The following GFRA1 variants were observed in gnomAD, a reference collection of about 807,000 sequenced individuals.
The protein encoded by GFRA1 is GDNF family receptor alpha-1.
Under a neutral mutation model 51.6 loss-of-function variants are expected in GFRA1, and 16 were observed. That is an observed-to-expected ratio of 0.31 (90% confidence interval 0.21 to 0.47). GFRA1 has a LOEUF of 0.47. Among genes scored for constraint, GFRA1 ranks in the 20% least tolerant of loss-of-function variants. GFRA1 has a pLI of 1.00. For synonymous variants in GFRA1, 270 were observed against 241.3 expected (o/e 1.12, Z -1.10); for missense variants, 530 against 594.3 (o/e 0.89, Z 1.13).
In GFRA1 at chr10:116,068,552, G is replaced by A. The variant is rs565534087; in HGVS notation, c.1198-2926C>T. ...TGCTGCAGAGAGAGGGTCAGAGCCTGGGATGTAGACCTGTGAACTTCTGGC... is the reference window on the plus strand; with the variant it reads ...TGCTGCAGAGAGAGGGTCAGAGCCTAGGATGTAGACCTGTGAACTTCTGGC... On this transcript the variant is annotated intron_variant, in intron 9 of 10. Transcript: ENST00000355422. 2.0e-5 allele frequency among the ~76,000 whole-genome samples: 3 copies of A among 152,294 alleles called. No homozygotes were observed. In the South Asian group the frequency reaches 6.2e-4, roughly 32 times the overall value.
At chr10:116,202,708 C>CTCGTGAGAACTTACTCACTA (rs1964436355) in intron 5 of GFRA1, among the ~76,000 whole-genome samples, 1 of 152,204 alleles carries the variant, frequency 6.6e-6, no homozygotes, top group East Asian at 1.9e-4. Flanking sequence ...ACCATTAGAT[C>CTCGTGAGAACTTACTCACTA]TCGTGAGAAC....
rs1303024374 is a variant in GFRA1, at chr10:116,059,115, T to C, written c.*5283A>G. On this transcript the variant is annotated 3_prime_UTR_variant, in exon 11 of 11. Coordinates refer to ENST00000355422, the MANE Select transcript of GFRA1 (RefSeq NM_005264.8). ...CTCAGGAGGACACATTCAGGGTCAA[T>C]ACAGCTCAATGCCAGGAATACGATG... The C allele has an allele frequency of 6.6e-6, 1 of 152,222 alleles. No homozygotes were observed. The highest frequency in any genetic ancestry group is 6.5e-5 in the Admixed American group (1 of 15,290). The allele number at this position is 152,222 out of a possible 1,614,324, so 9.4% of individuals were successfully genotyped here.
intron 5 of GFRA1, among the ~76,000 whole-genome samples, chr10:116,159,565 T>C (rs781591105): frequency 2.0e-5 from 3 of 152,142 alleles, no homozygotes; most frequent in Non-Finnish European, 2.9e-5. Flanking sequence ...AAGGCCCTCA[T>C]TTCAAAGTGT....
chr10:116,224,211 T>C (rs1290308768), intron 4 of GFRA1, among the ~76,000 whole-genome samples: 1 of 152,210 alleles, frequency 6.6e-6, no homozygotes, highest in African/African-American at 2.4e-5. Flanking sequence ...GGTGATTATG[T>C]AGAGAAACTG....
In GFRA1 at chr10:116,272,173, G is replaced by A. The variant is rs527524675; in HGVS notation, c.-144C>T. ...AAGTTCAGCTCCATCCAGTGAAAGA[G>A]GAAACTCCGGGTCTGGCAGCAGCCA... is the stretch of plus-strand genomic sequence containing the variant. On this transcript the variant is annotated 5_prime_UTR_variant, in exon 2 of 11. Transcript: ENST00000355422. The surrounding 1 kb of genome is among the most constrained non-coding windows in gnomAD (Gnocchi z 4.4). 1 of 757,088 alleles carries A rather than the reference G, an allele frequency of 1.3e-6. No homozygotes were observed. The highest frequency in any genetic ancestry group is 2.3e-6 in the Non-Finnish European group (1 of 444,284). The allele number at this position is 757,088 out of a possible 1,614,324, so 46.9% of individuals were successfully genotyped here.
chr10:116,085,404 T>TTGAC (rs2133853294), intron 9 of GFRA1, among the ~76,000 whole-genome samples: 1 of 152,344 alleles, frequency 6.6e-6, no homozygotes, highest in East Asian at 1.9e-4. Flanking sequence ...CCAAAGATAG[T>TTGAC]TGACTTTCTC....
chr10:116,060,543 C>T lies in GFRA1; in HGVS notation c.*3855G>A, dbSNP rs1410865110. On this transcript the variant is annotated 3_prime_UTR_variant, in exon 11 of 11. Transcript: ENST00000355422. Reference sequence around the variant, plus strand: ...GATTTTGCCTTATCTCGCCAACTCTCCAAGCTCAGGTGGGCCTTCTGCTGT... The same window carrying T: ...GATTTTGCCTTATCTCGCCAACTCTTCAAGCTCAGGTGGGCCTTCTGCTGT... 1 of 152,204 alleles carries T rather than the reference C, an allele frequency of 6.6e-6. No homozygotes were observed. The highest frequency in any genetic ancestry group is 1.5e-5 in the Non-Finnish European group (1 of 68,058). 9.4% of individuals were successfully genotyped at this position (152,204 alleles called of 1,614,324 possible). A position where few individuals can be genotyped will look rare whatever the true frequency, so the allele number is the denominator to read the frequency against.
intron 4 of GFRA1, among the ~76,000 whole-genome samples, chr10:116,229,133 G>A (rs1187004036): frequency 6.6e-6 from 1 of 151,972 alleles, no homozygotes; most frequent in Non-Finnish European, 1.5e-5. Context: ...TTGGACCTCT[G>A]GCCTACAGAA....
chr10:116,094,384 A>G (rs1956487455), intron 7 of GFRA1, among the ~76,000 whole-genome samples: 1 of 152,176 alleles, frequency 6.6e-6, no homozygotes, highest in Non-Finnish European at 1.5e-5. Context: ...CACGTAGTGA[A>G]AGAACTGGAA....
At position 116,181,994 on chromosome 10, in the gene GFRA1, G is replaced by A. The variant is rs544325365; in HGVS notation, c.433+29637C>T. Among the ~76,000 whole-genome samples the A allele has an allele frequency of 1.0e-3, 154 of 152,122 alleles. 4 individuals carry two copies. In the South Asian group the frequency reaches 0.022, roughly 22 times the overall value. The stretch of plus-strand genomic sequence containing the variant: ...AATGGAAAGAAACTCAGCAAGCTCT[G>A]TAGTGAAATATCATTTGCATTTTTT... On this transcript the variant is annotated intron_variant, in intron 5 of 10. Transcript: ENST00000355422.
chr10:116,261,199 A>G (rs1198494183), intron 4 of GFRA1, among the ~76,000 whole-genome samples: 4 of 152,212 alleles, frequency 2.6e-5, no homozygotes, highest in Non-Finnish European at 5.9e-5. Flanking sequence ...GGGAAATGCC[A>G]AGATATGGAG....
intron 4 of GFRA1, among the ~76,000 whole-genome samples, chr10:116,233,408 G>T (rs1164613950): frequency 1.3e-5 from 2 of 152,048 alleles, no homozygotes; most frequent in Non-Finnish European, 2.9e-5. Flanking sequence ...AAAATATAAG[G>T]ATTCCCTGCC....
chr10:116,186,504 C>T (rs1358512042), intron 5 of GFRA1, among the ~76,000 whole-genome samples: 1 of 147,790 alleles, frequency 6.8e-6, no homozygotes, highest in Non-Finnish European at 1.5e-5. Context: ...CCACATATGT[C>T]TGGGACATTA....
intron 5 of GFRA1, among the ~76,000 whole-genome samples, chr10:116,127,258 A>C (rs1452506451): frequency 2.6e-5 from 4 of 152,224 alleles, no homozygotes; most frequent in Non-Finnish European, 5.9e-5. Context: ...ATTGCATGCA[A>C]AATGTTCTTG....
chr10:116,230,003 T>G (rs1966581357), intron 4 of GFRA1, among the ~76,000 whole-genome samples: 2 of 152,176 alleles, frequency 1.3e-5, no homozygotes, highest in Admixed American at 6.5e-5. Context: ...TGCTGTGTCT[T>G]TGATTCAAGC....
intron 5 of GFRA1, among the ~76,000 whole-genome samples, chr10:116,209,244 C>A (rs1468647572): frequency 6.6e-6 from 1 of 152,206 alleles, no homozygotes; most frequent in Non-Finnish European, 1.5e-5. Context: ...CCTGCTATAA[C>A]AAGATTGATC....
chr10:116,265,163 C>T (rs1485055343), intron 4 of GFRA1, among the ~76,000 whole-genome samples: 6 of 152,120 alleles, frequency 3.9e-5, no homozygotes, highest in Admixed American at 2.0e-4. Context: ...TACTTGGGAA[C>T]GAATCTGGAG....
Position 116,271,110 on chromosome 10 carries a change from G to A in GFRA1, c.46C>T (p.Leu16Phe), listed in dbSNP as rs1843893795. Reference protein sequence around the residue: ...LYFALPLLDLLLSAEVSGGDR... With the variant: ...LYFALPLLDLFLSAEVSGGDR... ...CCGCCGCTCACTTCGGCCGACAGGAGCAAGTCTGCGGGGCAGAGGGGAGGG... is the reference window on the plus strand; with the variant it reads ...CCGCCGCTCACTTCGGCCGACAGGAACAAGTCTGCGGGGCAGAGGGGAGGG... The change falls in exon 3 of 11, where the codon CTC (leucine) becomes TTC (phenylalanine). Residue 16 changes from leucine (L) to phenylalanine (F), a missense_variant. Leu to Phe is a conservative substitution (Grantham distance 22, BLOSUM62 0). Coordinates refer to ENST00000355422, the MANE Select transcript of GFRA1 (RefSeq NM_005264.8). The A allele has an allele frequency of 6.2e-7, 1 of 1,605,364 alleles. No homozygotes were observed. Among genetic ancestry groups the A allele is most frequent in the Non-Finnish European group, 8.5e-7 (1 of 1,173,186 alleles).
At chr10:116,237,777 G>A (rs1286229161) in intron 4 of GFRA1, among the ~76,000 whole-genome samples, 1 of 152,070 alleles carries the variant, frequency 6.6e-6, no homozygotes, top group Non-Finnish European at 1.5e-5. Flanking sequence ...TCCCAACTAA[G>A]CCCTGGATAA....
Sources: gnomAD v4.1 joint callset for allele counts (sites outside exome capture counted in the v4.1 genomes callset) on GRCh38, gnomAD v4.1.1 for gene constraint, Gnocchi (gnomAD v3.1) non-coding constraint, MANE v1.5 for transcripts, NCBI Gene and HGNC (gene_info 2026-07-23, HGNC 2026-07-21) for gene names.